ELK3: variants seen among roughly 807,000 people sequenced by gnomAD.
ELK3 encodes the protein ETS transcription factor ELK3.
A neutral mutation model predicts 28.9 loss-of-function variants in ELK3; 10 were observed. That is an observed-to-expected ratio of 0.35 (90% CI 0.21 to 0.59). The LOEUF (loss-of-function observed/expected upper bound fraction) is 0.59. Among genes scored for constraint, ELK3 ranks in the 20% least tolerant of loss-of-function variants. The pLI is 0.82. For missense variants in ELK3, 463 were observed against 517.3 expected (o/e 0.90, Z 1.02); for synonymous variants, 272 against 243.5 (o/e 1.12, Z -1.09).
intron 2 of ELK3, among the ~76,000 whole-genome samples, chr12:96,241,473 C>T (rs1436089475): frequency 3.3e-5 from 5 of 151,256 alleles, no homozygotes; most frequent in African/African-American, 1.2e-4. Context: ...TATGTAAACA[C>T]ACTGTGGACA....
intron 2 of ELK3, among the ~76,000 whole-genome samples, chr12:96,230,342 G>A (rs9971896): frequency 0.27 from 40,311 of 152,014 alleles, 5,872 homozygotes; most frequent in East Asian, 0.59. Context: ...TAGCCTCATC[G>A]TTAAGTGATG....
At chr12:96,265,123 C>T (rs1952020498) in intron 4 of ELK3, among the ~76,000 whole-genome samples, 1 of 152,042 alleles carries the variant, frequency 6.6e-6, no homozygotes, top group East Asian at 1.9e-4. Flanking sequence ...AAGCATGGTA[C>T]TGGAGAAAAG....
rs550625180 is a variant in ELK3 at position 96,223,683 on chromosome 12, A to G, written c.117A>G (p.Glu39=). The G allele has an allele frequency of 1.3e-5, 21 of 1,614,216 alleles. No individual in the cohort carries two copies. The highest frequency in any genetic ancestry group is 3.3e-4 in the Middle Eastern group (2 of 6,062). Reference sequence around the variant, plus strand: ...GTGAATTCAAGCTCCTCAAAGCAGAAGAAGTGGCCAAGCTGTGGGGACTCC... The same window carrying G: ...GTGAATTCAAGCTCCTCAAAGCAGAGGAAGTGGCCAAGCTGTGGGGACTCC... ...NDGEFKLLKA[E]EVAKLWGLRK... The change falls in exon 2 of 5, where the codon GAA becomes GAG. Residue 39 remains glutamate (E), a synonymous_variant. Coordinates refer to ENST00000228741, the MANE Select transcript of ELK3 (RefSeq NM_005230.4).
intron 2 of ELK3, among the ~76,000 whole-genome samples, chr12:96,224,281 G>T (rs1198095179): frequency 6.6e-6 from 1 of 152,048 alleles, no homozygotes; most frequent in Non-Finnish European, 1.5e-5. Context: ...CAGGATTGTG[G>T]TGATGACCGA....
At chr12:96,207,723 C>G (rs994987787) in intron 1 of ELK3, among the ~76,000 whole-genome samples, 5 of 152,178 alleles carry the variant, frequency 3.3e-5, no homozygotes, top group Admixed American at 6.5e-5. Context: ...TGCAAGAATA[C>G]TGTATAGAGT....
intron 1 of ELK3, among the ~76,000 whole-genome samples, chr12:96,197,032 G>C (rs1951474954): frequency 6.6e-6 from 1 of 152,066 alleles, no homozygotes; most frequent in East Asian, 1.9e-4. Context: ...CTGTGAGTAG[G>C]CTAACAAAAC....
At chr12:96,204,592 A>ACAG (rs964704703) in intron 1 of ELK3, among the ~76,000 whole-genome samples, 2 of 152,168 alleles carry the variant, frequency 1.3e-5, no homozygotes, top group African/African-American at 4.8e-5. Context: ...TACATCAACA[A>ACAG]CAGCAGCAGC....
rs2268512 is a variant in ELK3, at chr12:96,203,966, A to G, written c.-3+9261A>G. 4.9e-4 allele frequency among the ~76,000 whole-genome samples: 75 copies of G among 152,280 alleles called. No individual in the cohort carries two copies. The East Asian group carries it at 0.014, about 28-fold the overall frequency. On this transcript the variant is annotated intron_variant, in intron 1 of 4. Coordinates refer to ENST00000228741, the MANE Select transcript of ELK3 (RefSeq NM_005230.4). The stretch of plus-strand genomic sequence containing the variant: ...AAAATGAAAACCCATAAAGACAGCC[A>G]AAAAGCTCCTCTATGCCACTTCCCA...
intron 2 of ELK3, among the ~76,000 whole-genome samples, chr12:96,245,725 C>T (rs569531893): frequency 6.6e-6 from 1 of 152,152 alleles, no homozygotes; most frequent in South Asian, 2.1e-4. Context: ...GGGCAAGGCA[C>T]ACGCAAGCAT....
At chr12:96,245,437 G>A (rs1483875502) in intron 2 of ELK3, among the ~76,000 whole-genome samples, 5 of 152,156 alleles carry the variant, frequency 3.3e-5, no homozygotes, top group Non-Finnish European at 7.4e-5. Context: ...TGTGTCAGAA[G>A]GATGACATCC....
In ELK3 at chr12:96,205,231, A is replaced by G. The variant is rs1194452136; in HGVS notation, c.-3+10526A>G. Among the ~76,000 whole-genome samples the G allele has an allele frequency of 7.2e-5, 11 of 152,242 alleles. 1 individual carries two copies. ...CAGAATTTGCAGGAAAGAAGAAAGC[A>G]TAGATTCCTGATCACCTCAGCACAT... On this transcript the variant is annotated intron_variant, in intron 1 of 4. Coordinates refer to ENST00000228741, the MANE Select transcript of ELK3 (RefSeq NM_005230.4).
intron 4 of ELK3, among the ~76,000 whole-genome samples, chr12:96,266,144 C>T (rs879311267): frequency 6.6e-6 from 1 of 152,168 alleles, no homozygotes; most frequent in Non-Finnish European, 1.5e-5. Context: ...CTCTAAGGTA[C>T]TAGACACAAG....
chr12:96,256,497 T>C (rs970708993), intron 3 of ELK3, among the ~76,000 whole-genome samples: 1 of 152,134 alleles, frequency 6.6e-6, no homozygotes, highest in Non-Finnish European at 1.5e-5. Flanking sequence ...AGTTGGAGCA[T>C]GGTGGGGCAT....
intron 1 of ELK3, among the ~76,000 whole-genome samples, chr12:96,204,688 G>C (rs1156890072): frequency 2.0e-5 from 3 of 152,178 alleles, no homozygotes; most frequent in Non-Finnish European, 4.4e-5. Flanking sequence ...GTTCTCCTCT[G>C]CTTGCACCTG....
chr12:96,211,087 G>A lies in ELK3; in HGVS notation c.-2-12478G>A, dbSNP rs140104811. Among the ~76,000 whole-genome samples the A allele has an allele frequency of 5.6e-4, 86 of 152,286 alleles. No individual in the cohort carries two copies. The East Asian group carries it at 0.016, about 28-fold the overall frequency. ...TCACCTTTCGAAGTCATAGTTCCTCGTGGGCACAGCCAACTGAGAGTATTA... is the reference window on the plus strand; with the variant it reads ...TCACCTTTCGAAGTCATAGTTCCTCATGGGCACAGCCAACTGAGAGTATTA... On this transcript the variant is annotated intron_variant, in intron 1 of 4. Transcript: ENST00000228741.
chr12:96,257,629 A>G (rs1221892804), intron 3 of ELK3, among the ~76,000 whole-genome samples: 2 of 152,236 alleles, frequency 1.3e-5, no homozygotes, highest in Admixed American at 6.5e-5. Flanking sequence ...ATTGATGGAT[A>G]AACTAGGAGG....
intron 4 of ELK3, among the ~76,000 whole-genome samples, chr12:96,261,648 C>G (rs1170301628): frequency 6.6e-6 from 1 of 152,190 alleles, no homozygotes; most frequent in Admixed American, 6.5e-5. Flanking sequence ...AGTGGCCTCT[C>G]ATTTCTCTCC....
intron 2 of ELK3, among the ~76,000 whole-genome samples, chr12:96,228,291 A>C (rs1951718168): frequency 2.0e-5 from 3 of 151,668 alleles, no homozygotes; most frequent in Admixed American, 6.6e-5. Context: ...GGTGGTGCAC[A>C]CCTGTGGTCC....
chr12:96,253,470 G>A (rs1001061258), intron 3 of ELK3, among the ~76,000 whole-genome samples: 6 of 152,162 alleles, frequency 3.9e-5, no homozygotes, highest in African/African-American at 1.4e-4. Context: ...CGTAGGATCA[G>A]TGCTACAGAC....
Sources: allele counts gnomAD v4.1 joint callset (sites outside exome capture counted in the v4.1 genomes callset), GRCh38; gene constraint gnomAD v4.1.1; transcripts MANE v1.5; gene names NCBI Gene and HGNC (gene_info 2026-07-23, HGNC 2026-07-21).